PSME3IP1: variants seen among roughly 807,000 people sequenced by gnomAD.
PSME3IP1 encodes proteasome activator subunit 3 interacting protein 1, also known as PSME3-interacting protein.
A neutral mutation model predicts 34.1 loss-of-function variants in PSME3IP1; 13 were observed. The ratio of observed to expected loss-of-function variants is 0.38; its 90% CI spans 0.25 to 0.61. PSME3IP1 has a LOEUF of 0.61. Among genes scored for constraint, PSME3IP1 ranks in the 20% least tolerant of loss-of-function variants. The probability of loss-of-function intolerance (pLI) is 0.60; values close to 1 mark genes in which losing one functional copy is unlikely to be tolerated. For missense variants in PSME3IP1, 237 were observed against 301.4 expected (o/e 0.79, Z 1.58); for synonymous variants, 93 against 114.3 (o/e 0.81, Z 1.19).
At chr16:57,167,514 T>C (rs1393994730) in intron 4 of PSME3IP1, among the ~76,000 whole-genome samples, 1 of 152,122 alleles carries the variant, frequency 6.6e-6, no homozygotes, top group Non-Finnish European at 1.5e-5. Context: ...ACATGGCCAA[T>C]ATCATGCTTG....
At chr16:57,186,048 G>GC, upstream of PSME3IP1, 1 of 985,174 alleles carries the variant, frequency 1.0e-6, no homozygotes, top group Non-Finnish European at 1.2e-6. Flanking sequence ...ATAGAGTCCC[G>GC]CCCCACTTCC....
In PSME3IP1 at chr16:57,172,400, T is replaced by G. The variant is rs776371419; in HGVS notation, c.227-28A>C. ...GAGGAAATAATTAAACAAGGCACAC[T>G]TAGCAGGCTAAAGGGAAAAATAAGA... is the stretch of plus-strand genomic sequence containing the variant. On this transcript the variant is annotated intron_variant, in intron 3 of 6. Coordinates refer to ENST00000309137, the MANE Select transcript of PSME3IP1 (RefSeq NM_024946.4). 1.7e-5 allele frequency: 28 copies of G among 1,609,634 alleles called. No individual in the cohort carries two copies. In the African/African-American group the frequency reaches 2.3e-4, roughly 13 times the overall value.
chr16:57,157,412 G>C (rs959641935), intron 6 of PSME3IP1, among the ~76,000 whole-genome samples: 1 of 151,966 alleles, frequency 6.6e-6, no homozygotes, highest in Admixed American at 6.6e-5. Context: ...AAATGAAAAA[G>C]GCAAGGAGCA....
chr16:57,162,883 G>C (rs2071426321), intron 6 of PSME3IP1, among the ~76,000 whole-genome samples: 1 of 151,964 alleles, frequency 6.6e-6, no homozygotes. Flanking sequence ...TAAGAAATGT[G>C]GCTGGGCTTG....
At chr16:57,168,803 CAAAAAAAAAAAA>C (rs1189721344) in intron 4 of PSME3IP1, among the ~76,000 whole-genome samples, 3 of 23,900 alleles carry the variant, frequency 1.3e-4, no homozygotes, top group Non-Finnish European at 2.3e-4. Flanking sequence ...AACTCTGTCT[CAAAAAAAAAAAA>C]AAAAAAAAAA....
rs1488025986 is a variant in PSME3IP1 at position 57,182,609 on chromosome 16, A to G, written c.-16+3212T>C. On this transcript the variant is annotated intron_variant, in intron 1 of 6. Coordinates refer to ENST00000309137, the MANE Select transcript of PSME3IP1 (RefSeq NM_024946.4). ...TTACAATAACCAGACAAGGCCAACTAAGATTTTTTTTTTTTTTTTTTTTGG... is the reference window on the plus strand; with the variant it reads ...TTACAATAACCAGACAAGGCCAACTGAGATTTTTTTTTTTTTTTTTTTTGG... Among the ~76,000 whole-genome samples, 12 of 143,932 alleles carry G rather than the reference A, an allele frequency of 8.3e-5. No homozygotes were observed. In the East Asian group the frequency reaches 2.2e-3, roughly 27 times the overall value. The allele number at this position is 143,932 out of a possible 152,430, so 94.4% of individuals were successfully genotyped here. A position where few individuals can be genotyped will look rare whatever the true frequency, so the allele number is the denominator to read the frequency against.
At chr16:57,158,479 T>G (rs1302998180) in intron 6 of PSME3IP1, among the ~76,000 whole-genome samples, 1 of 152,122 alleles carries the variant, frequency 6.6e-6, no homozygotes, top group African/African-American at 2.4e-5. Flanking sequence ...TCCCAGCTAC[T>G]TGGGTGGCTG....
chr16:57,168,803 CAAAAAAAAAA>C (rs1189721344), intron 4 of PSME3IP1, among the ~76,000 whole-genome samples: 429 of 23,906 alleles, frequency 0.018, 8 homozygotes, highest in Middle Eastern at 0.071. Flanking sequence ...AACTCTGTCT[CAAAAAAAAAA>C]AAAAAAAAAA....
intron 1 of PSME3IP1, among the ~76,000 whole-genome samples, chr16:57,176,770 T>A (rs1341523995): frequency 1.3e-5 from 2 of 152,206 alleles, no homozygotes; most frequent in Non-Finnish European, 2.9e-5. Context: ...AGATTAGATA[T>A]GATTTAAACC....
intron 1 of PSME3IP1, among the ~76,000 whole-genome samples, chr16:57,180,928 C>T (rs2073645613): frequency 6.6e-6 from 1 of 151,952 alleles, no homozygotes; most frequent in African/African-American, 2.4e-5. Flanking sequence ...TGATGGTGCA[C>T]TACTTAGGAG....
chr16:57,160,013 TA>T (rs1298938416), intron 6 of PSME3IP1, among the ~76,000 whole-genome samples: 8 of 151,444 alleles, frequency 5.3e-5, no homozygotes, highest in Non-Finnish European at 1.0e-4. Context: ...ATCCTATCTC[TA>T]AAAAAAAATT....
chr16:57,170,943 T>C (rs1408499551), intron 4 of PSME3IP1, among the ~76,000 whole-genome samples: 2 of 152,034 alleles, frequency 1.3e-5, no homozygotes, highest in East Asian at 3.9e-4. Context: ...CGTGGTGGCA[T>C]GCACCTGTAA....
chr16:57,167,400 G>A (rs1489651724), intron 4 of PSME3IP1, 174 bp from the exon 5 acceptor site: 1 of 762,680 alleles, frequency 1.3e-6, no homozygotes, highest in African/African-American at 1.8e-5. Context: ...AGAGACCATG[G>A]AGGAAGACAG....
chr16:57,154,277 A>G lies in PSME3IP1; in HGVS notation c.*13T>C. 3 of 1,612,326 alleles carry G rather than the reference A, an allele frequency of 1.9e-6. No individual in the cohort carries two copies. Among genetic ancestry groups the G allele is most frequent in the Non-Finnish European group, 2.5e-6 (3 of 1,178,700 alleles). ...ACCCTTGGGGAGGAGCTCCCTGTGT[A>G]GGGACGGAGAAACTAGGGGGCCTCG... On this transcript the variant is annotated 3_prime_UTR_variant, in exon 7 of 7. Transcript: ENST00000309137. This position sits in a 1 kb window ranked among gnomAD's most constrained non-coding sequence, Gnocchi z 4.0.
chr16:57,157,417 G>A (rs915416015), intron 6 of PSME3IP1, among the ~76,000 whole-genome samples: 14 of 152,186 alleles, frequency 9.2e-5, no homozygotes, highest in African/African-American at 1.9e-4. Flanking sequence ...AAAAAGGCAA[G>A]GAGCAGGACA....
In PSME3IP1 at chr16:57,152,773, T is replaced by G. The variant is rs2070082810; in HGVS notation, c.*1517A>C. On this transcript the variant is annotated 3_prime_UTR_variant, in exon 7 of 7. Transcript: ENST00000309137. ...CAGGATGGAGCTGATGCGCCCATAC[T>G]GGCAGAACAATTAGCACAGAGTAGT... 2.0e-5 allele frequency: 3 copies of G among 152,692 alleles called. No individual in the cohort carries two copies. The South Asian group carries it at 6.2e-4, about 32-fold the overall frequency. 9.5% of individuals were successfully genotyped at this position (152,692 alleles called of 1,614,324 possible). A position where few individuals can be genotyped will look rare whatever the true frequency, so the allele number is the denominator to read the frequency against.
intron 6 of PSME3IP1, among the ~76,000 whole-genome samples, chr16:57,162,765 T>A (rs186651751): frequency 3.1e-4 from 47 of 151,810 alleles, no homozygotes; most frequent in Non-Finnish European, 4.7e-4. Context: ...GGGTTTATTA[T>A]ACTTATTCCA....
intron 5 of PSME3IP1, among the ~76,000 whole-genome samples, 200 bp from the exon 6 acceptor site, chr16:57,164,265 C>A (rs1335761021): frequency 6.6e-6 from 1 of 152,196 alleles, no homozygotes; most frequent in African/African-American, 2.4e-5. Context: ...AATTTAAACT[C>A]CTGACAAATC....
chr16:57,179,054 C>T (rs1353375972), intron 1 of PSME3IP1, among the ~76,000 whole-genome samples: 1 of 152,180 alleles, frequency 6.6e-6, no homozygotes, highest in Non-Finnish European at 1.5e-5. Flanking sequence ...GGGATACGGG[C>T]TCTAACTGTG....
Sources: allele counts gnomAD v4.1 joint callset (sites outside exome capture counted in the v4.1 genomes callset), GRCh38; gene constraint gnomAD v4.1.1; non-coding constraint Gnocchi (gnomAD v3.1); transcripts MANE v1.5; gene names NCBI Gene and HGNC (gene_info 2026-07-23, HGNC 2026-07-21).